PPP6R3: variants seen among roughly 807,000 people sequenced by gnomAD.
PPP6R3 encodes the protein protein phosphatase 6 regulatory subunit 3.
A neutral mutation model predicts 110.7 loss-of-function variants in PPP6R3; 38 were observed. That is an observed-to-expected ratio of 0.34 (90% confidence interval 0.26 to 0.45). The LOEUF (loss-of-function observed/expected upper bound fraction) is 0.45. Among genes scored for constraint, PPP6R3 ranks in the 20% least tolerant of loss-of-function variants. PPP6R3 has a pLI of 1.00. For synonymous variants in PPP6R3, 369 were observed against 373.5 expected (o/e 0.99, Z 0.14); for missense variants, 870 against 1,062.4 (o/e 0.82, Z 2.52).
intron 1 of PPP6R3, among the ~76,000 whole-genome samples, chr11:68,508,171 C>T (rs2099089101): frequency 1.5e-5 from 2 of 134,822 alleles, no homozygotes; most frequent in Admixed American, 1.6e-4. Flanking sequence ...ATCCATCACC[C>T]AGGCTGGAGT....
At chr11:68,517,821 C>G (rs186987554) in intron 1 of PPP6R3, among the ~76,000 whole-genome samples, 153 of 152,110 alleles carry the variant, frequency 1.0e-3, no homozygotes, top group African/African-American at 3.5e-3. Flanking sequence ...GCTTCTAATC[C>G]CAGCTACTCA....
intron 19 of PPP6R3, among the ~76,000 whole-genome samples, chr11:68,598,536 GAC>G (rs1479803546): frequency 1.3e-5 from 2 of 152,188 alleles, no homozygotes; most frequent in African/African-American, 4.8e-5. Context: ...GATCTCTGGA[GAC>G]ACAAGTGGGT....
At chr11:68,549,805 A>T (rs1385471967) in intron 5 of PPP6R3, among the ~76,000 whole-genome samples, 5 of 152,186 alleles carry the variant, frequency 3.3e-5, no homozygotes, top group Non-Finnish European at 7.3e-5. Context: ...TAGGAGGTTG[A>T]TAAAGGTGTA....
intron 1 of PPP6R3, among the ~76,000 whole-genome samples, chr11:68,508,979 TAAGAG>T (rs2099093706): frequency 6.6e-6 from 1 of 152,236 alleles, no homozygotes; most frequent in Non-Finnish European, 1.5e-5. Flanking sequence ...TCATTTCCTC[TAAGAG>T]AATAGTCTAA....
At position 68,574,188 on chromosome 11, in the gene PPP6R3, G is replaced by C. The variant is rs1436319305; in HGVS notation, c.1423G>C (p.Gly475Arg). ...CTGTATCGTGCACAGCACTGACAAG[G>C]GCCCCAACAGTGCATTAGTGCAGCA... ...ANCIVHSTDKGPNSALVQQLI... is the reference protein window; with the variant it reads ...ANCIVHSTDKRPNSALVQQLI... Residue 475 changes from glycine (G) to arginine (R), a missense_variant, in exon 13 of 24, where the codon GGC becomes CGC. Gly to Arg is a moderately radical substitution (Grantham distance 125). Transcript: ENST00000393800. The C allele has an allele frequency of 1.9e-6, 3 of 1,613,970 alleles. No individual in the cohort carries two copies. Among genetic ancestry groups the C allele is most frequent in the East Asian group, 2.2e-5 (1 of 44,876 alleles).
At chr11:68,579,412 A>G (rs1454700963) in intron 14 of PPP6R3, among the ~76,000 whole-genome samples, 2 of 152,232 alleles carry the variant, frequency 1.3e-5, no homozygotes, top group African/African-American at 4.8e-5. Context: ...TATCTCCGAA[A>G]CTGTGTGCAC....
intron 1 of PPP6R3, among the ~76,000 whole-genome samples, chr11:68,495,922 T>C (rs759280449): frequency 6.6e-6 from 1 of 152,204 alleles, no homozygotes; most frequent in African/African-American, 2.4e-5. Flanking sequence ...TTCTCCAAAG[T>C]GTCTACACCA....
At chr11:68,590,235 CTA>C (rs2099591072) in intron 16 of PPP6R3, among the ~76,000 whole-genome samples, 1 of 152,138 alleles carries the variant, frequency 6.6e-6, no homozygotes, top group African/African-American at 2.4e-5. Flanking sequence ...TCATGGGTGT[CTA>C]TGTATTTTGT....
intron 2 of PPP6R3, among the ~76,000 whole-genome samples, chr11:68,528,336 G>A (rs1045835753): frequency 6.6e-6 from 1 of 150,734 alleles, no homozygotes; most frequent in African/African-American, 2.4e-5. Context: ...CAGTTGCAGA[G>A]ATACGATAAA....
chr11:68,562,816 A>G (rs1248717599), intron 8 of PPP6R3, among the ~76,000 whole-genome samples: 2 of 152,206 alleles, frequency 1.3e-5, no homozygotes, highest in Non-Finnish European at 2.9e-5. Context: ...AACAGGAGAA[A>G]ATCTTTGTCT....
chr11:68,477,996 C>T (rs1397814891), intron 1 of PPP6R3, among the ~76,000 whole-genome samples: 1 of 151,094 alleles, frequency 6.6e-6, no homozygotes, highest in Non-Finnish European at 1.5e-5. Context: ...TTTGCCCAGG[C>T]TGGAGTGCAG....
chr11:68,467,850 C>T (rs2098759470), intron 1 of PPP6R3, among the ~76,000 whole-genome samples: 1 of 152,238 alleles, frequency 6.6e-6, no homozygotes, highest in Non-Finnish European at 1.5e-5. Flanking sequence ...TCTCGGCTCA[C>T]TGCAACCTCC....
intron 1 of PPP6R3, among the ~76,000 whole-genome samples, chr11:68,509,605 C>A (rs2099097504): frequency 6.6e-6 from 1 of 151,208 alleles, no homozygotes; most frequent in African/African-American, 2.4e-5. Context: ...GTTAATTTAC[C>A]CCACCTCTCT....
chr11:68,531,859 C>G (rs559343837), intron 2 of PPP6R3, among the ~76,000 whole-genome samples: 2 of 152,280 alleles, frequency 1.3e-5, no homozygotes, highest in East Asian at 3.9e-4. Context: ...AATAGTGGAG[C>G]TGGTGTTAGA....
intron 2 of PPP6R3, among the ~76,000 whole-genome samples, chr11:68,532,103 A>G (rs2099244399): frequency 6.6e-6 from 1 of 152,256 alleles, no homozygotes; most frequent in Admixed American, 6.5e-5. Flanking sequence ...TGTCAGAGAC[A>G]GGGTGGCACC....
At chr11:68,497,927 G>A (rs1264776286) in intron 1 of PPP6R3, among the ~76,000 whole-genome samples, 1 of 152,054 alleles carries the variant, frequency 6.6e-6, no homozygotes, top group Non-Finnish European at 1.5e-5. Context: ...AAGAACCTTG[G>A]TTCAGATGAG....
intron 1 of PPP6R3, among the ~76,000 whole-genome samples, chr11:68,475,322 C>T (rs746781430): frequency 2.0e-4 from 31 of 152,234 alleles, no homozygotes; most frequent in Non-Finnish European, 3.8e-4. Context: ...TCTTTCTACA[C>T]AGAGACAGCA....
At chr11:68,596,327 T>G in intron 19 of PPP6R3, 109 bp downstream of exon 19, 1 of 1,481,202 alleles carries the variant, frequency 6.8e-7, no homozygotes, top group Non-Finnish European at 9.3e-7. Flanking sequence ...GAAGGAAAGG[T>G]TGGGTTGAAG....
intron 6 of PPP6R3, among the ~76,000 whole-genome samples, chr11:68,552,686 C>T (rs2153701692): frequency 6.6e-6 from 1 of 152,274 alleles, no homozygotes; most frequent in Non-Finnish European, 1.5e-5. Context: ...CGTGGAGAGC[C>T]ATGACAGGAG....
Sources: gnomAD v4.1 joint callset for allele counts (sites outside exome capture counted in the v4.1 genomes callset) on GRCh38, gnomAD v4.1.1 for gene constraint, MANE v1.5 for transcripts, NCBI Gene and HGNC (gene_info 2026-07-23, HGNC 2026-07-21) for gene names.